Variants in SLC12A8 observed in about 807,000 individuals in gnomAD.
SLC12A8 encodes solute carrier family 12 member 8, also known as cation-chloride cotransporter 9.
SLC12A8 carries 69 observed loss-of-function variants against 75.6 expected under a neutral mutation model. The observed-to-expected ratio is 0.91, with a 90% CI of 0.75 to 1.11. The LOEUF is 1.11. SLC12A8 is among the 50% of genes most tolerant of loss of function. The pLI is 0.00. For missense variants in SLC12A8, 877 were observed against 896.7 expected, an observed-to-expected ratio of 0.98 and a Z score of 0.28; for synonymous variants, 365 against 372.8, an observed-to-expected ratio of 0.98 and a Z score of 0.24.
intron 2 of SLC12A8, 124 bp downstream of exon 2, chr3:125,211,175 C>G: frequency 1.2e-6 from 1 of 816,770 alleles, no homozygotes; most frequent in South Asian, 1.4e-5. Flanking sequence ...ACTGGATGAC[C>G]AAAATAGACT....
chr3:125,190,523 T>G lies in SLC12A8; in HGVS notation c.52-2A>C. 6.2e-7 allele frequency: 1 copy of G among 1,613,732 alleles called. No homozygotes were observed. The highest frequency in any genetic ancestry group is 8.5e-7 in the Non-Finnish European group (1 of 1,179,806). ...GGGCTGGGGCTGGGCCAGGGCATCCTGCAAACAGAACACACAGAAATCAGC... is the reference window on the plus strand; with the variant it reads ...GGGCTGGGGCTGGGCCAGGGCATCCGGCAAACAGAACACACAGAAATCAGC... On this transcript the variant is annotated splice_acceptor_variant, in intron 2 of 13. Transcript: ENST00000469902. LOFTEE classifies it high-confidence loss of function.
At chr3:125,129,609 G>T (rs935916884) in intron 6 of SLC12A8, among the ~76,000 whole-genome samples, 2 of 152,138 alleles carry the variant, frequency 1.3e-5, no homozygotes, top group Non-Finnish European at 2.9e-5. Context: ...TCAGGAGGAT[G>T]GGGGGCTGGG....
chr3:125,126,782 T>C (rs1171118354), intron 6 of SLC12A8, among the ~76,000 whole-genome samples: 1 of 152,282 alleles, frequency 6.6e-6, no homozygotes, highest in East Asian at 1.9e-4. Context: ...TTTCCATTTA[T>C]AGCTTAATCG....
intron 5 of SLC12A8, among the ~76,000 whole-genome samples, chr3:125,146,450 C>A (rs1385922636): frequency 6.6e-6 from 1 of 152,142 alleles, no homozygotes; most frequent in East Asian, 1.9e-4. Context: ...TATTTTACCA[C>A]AATAAAAAAC....
chr3:125,103,265 C>A (rs1055640428), intron 10 of SLC12A8, among the ~76,000 whole-genome samples: 1 of 151,952 alleles, frequency 6.6e-6, no homozygotes, highest in Non-Finnish European at 1.5e-5. Context: ...GTGTGTCCCT[C>A]GGGCAAGGGA....
At chr3:125,184,597 T>C (rs1346498096) in intron 4 of SLC12A8, among the ~76,000 whole-genome samples, 9 of 151,776 alleles carry the variant, frequency 5.9e-5, no homozygotes, top group Non-Finnish European at 1.5e-5. Flanking sequence ...TCATTAGAAA[T>C]AAATGAATGC....
chr3:125,091,224 T>TCTAC lies in SLC12A8; in HGVS notation c.1921+211_1921+214dup, dbSNP rs142475126. 5.7e-3 allele frequency among the ~76,000 whole-genome samples: 874 copies of TCTAC among 152,344 alleles called. 25 individuals are homozygous for TCTAC. The East Asian group carries it at 0.092, about 16-fold the overall frequency. On this transcript the variant is annotated intron_variant, in intron 12 of 13. Coordinates refer to ENST00000469902, the MANE Select transcript of SLC12A8 (RefSeq NM_024628.6). Reference sequence around the variant, plus strand: ...TGGACTATTGTTATTCATTTTTACTTCTACATATCTTATAAACCTCATTTT... The same window carrying TCTAC: ...TGGACTATTGTTATTCATTTTTACTTCTACCTACATATCTTATAAACCTCATTTT...
chr3:125,198,999 C>T lies in SLC12A8; in HGVS notation c.52-8478G>A, dbSNP rs541062338. Among the ~76,000 whole-genome samples the T allele has an allele frequency of 1.9e-4, 29 of 152,004 alleles. 1 individual carries two copies. Among genetic ancestry groups the T allele is most frequent in the Admixed American group, 1.4e-3 (21 of 15,264 alleles). Reference sequence around the variant, plus strand: ...TTCACCGTGTTAGCCAGGATGGTCTCGATCTCCTGACCTCGTGATCCACCC... The same window carrying T: ...TTCACCGTGTTAGCCAGGATGGTCTTGATCTCCTGACCTCGTGATCCACCC... On this transcript the variant is annotated intron_variant, in intron 2 of 13. Coordinates refer to ENST00000469902, the MANE Select transcript of SLC12A8 (RefSeq NM_024628.6).
chr3:125,157,413 C>T (rs2107775639), intron 5 of SLC12A8, among the ~76,000 whole-genome samples: 1 of 152,310 alleles, frequency 6.6e-6, no homozygotes, highest in South Asian at 2.1e-4. Context: ...TTCTGCTTTT[C>T]ACCAAGACCT....
At chr3:125,195,677 T>C (rs1046827351) in intron 2 of SLC12A8, among the ~76,000 whole-genome samples, 9 of 151,588 alleles carry the variant, frequency 5.9e-5, no homozygotes, top group Non-Finnish European at 4.4e-5. Context: ...TGGTCACACA[T>C]GGCTCAGCCC....
intron 2 of SLC12A8, among the ~76,000 whole-genome samples, chr3:125,203,101 A>G (rs1276676653): frequency 6.6e-6 from 1 of 151,424 alleles, no homozygotes; most frequent in Non-Finnish European, 1.5e-5. Flanking sequence ...AAAAAAAAAA[A>G]AAAAAAAAGA....
chr3:125,110,504 G>C (rs1476779652), intron 8 of SLC12A8, 169 bp from the exon 9 acceptor site: 2 of 566,424 alleles, frequency 3.5e-6, no homozygotes, highest in Admixed American at 3.1e-5. Flanking sequence ...TCATTCCATG[G>C]TTTCAGCTGA....
At chr3:125,120,507 G>A (rs561241039) in intron 7 of SLC12A8, 92 bp downstream of exon 7, 380 of 879,906 alleles carry the variant, frequency 4.3e-4, no homozygotes, top group Non-Finnish European at 6.6e-4. Context: ...CACAGTCGGG[G>A]CACTCTCAGA....
chr3:125,193,390 TTG>T (rs1318719040), intron 2 of SLC12A8, among the ~76,000 whole-genome samples: 1 of 152,128 alleles, frequency 6.6e-6, no homozygotes, highest in African/African-American at 2.4e-5. Flanking sequence ...AAGTAGCAGC[TTG>T]TGTGTCCCCG....
intron 5 of SLC12A8, among the ~76,000 whole-genome samples, chr3:125,176,353 G>A (rs1034972850): frequency 2.6e-5 from 4 of 152,162 alleles, no homozygotes; most frequent in African/African-American, 9.7e-5. Flanking sequence ...ATACAGGCAT[G>A]AGCCACTGTG....
chr3:125,166,960 T>C (rs1934303737), intron 5 of SLC12A8, among the ~76,000 whole-genome samples: 2 of 152,114 alleles, frequency 1.3e-5, no homozygotes, highest in African/African-American at 4.8e-5. Flanking sequence ...AGTGGTCCCT[T>C]GGGGAACAGG....
At chr3:125,198,527 G>C (rs1214496075) in intron 2 of SLC12A8, among the ~76,000 whole-genome samples, 1 of 152,090 alleles carries the variant, frequency 6.6e-6, no homozygotes, top group African/African-American at 2.4e-5. Flanking sequence ...CAGCTACTCG[G>C]GAGGCTGAGG....
chr3:125,145,054 C>T lies in SLC12A8; in HGVS notation c.623-9272G>A, dbSNP rs543537796. 9.2e-5 allele frequency among the ~76,000 whole-genome samples: 14 copies of T among 152,312 alleles called. No individual in the cohort carries two copies. The South Asian group carries it at 2.9e-3, about 32-fold the overall frequency. The stretch of plus-strand genomic sequence containing the variant: ...AATGCCATGGCTAAAGATTCAGTAT[C>T]ATAGAACTGTAGAAAGTTAGCATCA... On this transcript the variant is annotated intron_variant, in intron 5 of 13. Transcript: ENST00000469902.
intron 12 of SLC12A8, among the ~76,000 whole-genome samples, chr3:125,090,734 C>T (rs528685180): frequency 6.6e-6 from 1 of 152,308 alleles, no homozygotes; most frequent in Non-Finnish European, 1.5e-5. Flanking sequence ...AATATAGCTA[C>T]CCTGCTTTGT....
Sources: allele counts gnomAD v4.1 joint callset (sites outside exome capture counted in the v4.1 genomes callset), GRCh38; gene constraint gnomAD v4.1.1; transcripts MANE v1.5; gene names NCBI Gene and HGNC (gene_info 2026-07-23, HGNC 2026-07-21).